Variants in TTC39B observed in about 807,000 individuals in gnomAD.
TTC39B encodes tetratricopeptide repeat domain 39B, also known as tetratricopeptide repeat protein 39B.
A neutral mutation model predicts 96.6 loss-of-function variants in TTC39B; 92 were observed. The ratio of observed to expected loss-of-function variants is 0.95; its 90% CI spans 0.80 to 1.13. The LOEUF (loss-of-function observed/expected upper bound fraction) is 1.13. Among genes scored for constraint, TTC39B ranks in the 50% most tolerant of loss-of-function variants. TTC39B has a pLI of 0.00. For missense variants in TTC39B, 955 were observed against 809.3 expected (o/e 1.18, Z -2.18); for synonymous variants, 367 against 299.4 (o/e 1.23, Z -2.33).
chr9:15,222,968 T>C (rs1266945807), intron 3 of TTC39B, among the ~76,000 whole-genome samples: 1 of 152,180 alleles, frequency 6.6e-6, no homozygotes, highest in Admixed American at 6.5e-5. Context: ...ATGACAAAGC[T>C]CTGGCCAGGG....
intron 1 of TTC39B, 116 bp from the exon 2 acceptor site, chr9:15,268,064 T>C: frequency 2.6e-6 from 2 of 773,644 alleles, no homozygotes; most frequent in African/African-American, 1.8e-5. Context: ...CAGGAAGGTA[T>C]AGCAGGCAGT....
intron 16 of TTC39B, 49 bp downstream of exon 16, chr9:15,185,231 G>A (rs771665058): frequency 7.7e-6 from 12 of 1,566,032 alleles, no homozygotes; most frequent in Middle Eastern, 1.8e-4. Context: ...CTGCTGCTGT[G>A]AGTAGGTAAT....
intron 2 of TTC39B, among the ~76,000 whole-genome samples, chr9:15,245,041 A>G (rs1822212965): frequency 6.6e-6 from 1 of 152,214 alleles, no homozygotes; most frequent in East Asian, 1.9e-4. Context: ...TAGTATAATT[A>G]TTGGTCTACT....
intron 1 of TTC39B, among the ~76,000 whole-genome samples, chr9:15,301,316 T>A (rs192202052): frequency 3.9e-5 from 6 of 152,208 alleles, no homozygotes; most frequent in Non-Finnish European, 7.3e-5. Flanking sequence ...AACCCAAAGA[T>A]AGAAATAGTA....
chr9:15,214,136 T>A lies in TTC39B; in HGVS notation c.482+3A>T. On this transcript the variant is annotated splice_donor_region_variant and intron_variant, in intron 4 of 19. Coordinates refer to ENST00000512701, the Ensembl canonical transcript of TTC39B. The stretch of plus-strand genomic sequence containing the variant: ...TTTATCTAAAAGAGACAAAGTAAAT[T>A]ACCAGGGGCGAAGCAATTCTAAGGC... 1.2e-6 allele frequency: 2 copies of A among 1,604,972 alleles called. No individual in the cohort carries two copies. The highest frequency in any genetic ancestry group is 1.7e-6 in the Non-Finnish European group (2 of 1,172,644).
intron 16 of TTC39B, among the ~76,000 whole-genome samples, chr9:15,182,680 G>A (rs776735833): frequency 6.6e-6 from 1 of 152,094 alleles, no homozygotes; most frequent in East Asian, 1.9e-4. Context: ...ATAGAATACA[G>A]ATACAGAAAT....
chr9:15,254,056 C>T (rs1668407435), intron 2 of TTC39B, among the ~76,000 whole-genome samples: 1 of 152,044 alleles, frequency 6.6e-6, no homozygotes, highest in South Asian at 2.1e-4. Context: ...ATACCCACAT[C>T]CCCTTTGTCA....
intron 2 of TTC39B, among the ~76,000 whole-genome samples, chr9:15,239,823 G>A (rs72700645): frequency 0.034 from 5,226 of 152,232 alleles, 150 homozygotes; most frequent in Admixed American, 0.047. Context: ...CAATATTTGC[G>A]TGATGAGTAC....
At chr9:15,163,800 T>C (rs912262184) in exon 20 of TTC39B, 2 of 152,238 alleles carry the variant, frequency 1.3e-5, no homozygotes, top group East Asian at 3.8e-4. Context: ...CAAGTCAGGA[T>C]GATTTATTTG....
intron 3 of TTC39B, among the ~76,000 whole-genome samples, chr9:15,219,751 G>A (rs1820737690): frequency 6.6e-6 from 1 of 152,126 alleles, no homozygotes; most frequent in Admixed American, 6.6e-5. Context: ...GAAACACAGG[G>A]CATAAATGGC....
At chr9:15,171,807 A>G (rs867520426) in exon 20 of TTC39B, 6 of 314,956 alleles carry the variant, frequency 1.9e-5, no homozygotes, top group Middle Eastern at 8.4e-4. Flanking sequence ...GAGGCAAAAT[A>G]TAAGAATTTT....
intron 1 of TTC39B, among the ~76,000 whole-genome samples, chr9:15,286,052 T>C (rs1823964912): frequency 6.6e-6 from 1 of 152,224 alleles, no homozygotes; most frequent in Non-Finnish European, 1.5e-5. Flanking sequence ...CTGTGGTCCT[T>C]TACCTCTAAA....
At chr9:15,264,345 C>T (rs1473530466) in intron 2 of TTC39B, among the ~76,000 whole-genome samples, 1 of 151,882 alleles carries the variant, frequency 6.6e-6, no homozygotes, top group African/African-American at 2.4e-5. Flanking sequence ...TTCCTTGCCA[C>T]AGGAGGAAAA....
Position 15,189,571 on chromosome 9 carries a change from T to G in TTC39B, c.1233+3A>C, listed in dbSNP as rs1042446004. The G allele has an allele frequency of 6.2e-7, 1 of 1,614,100 alleles. No individual in the cohort carries two copies. Among genetic ancestry groups the G allele is most frequent in the East Asian group, 2.2e-5 (1 of 44,860 alleles). ...CCCAAATAATTCCCACCTAATAAAT[T>G]ACCTCTTCAAGATTCCCTTTCAGCA... is the stretch of plus-strand genomic sequence containing the variant. On this transcript the variant is annotated splice_donor_region_variant and intron_variant, in intron 13 of 19. Transcript: ENST00000512701.
Position 15,228,744 on chromosome 9 carries a change from T to C in TTC39B, c.276-2732A>G, listed in dbSNP as rs114480176. 7.5e-3 allele frequency among the ~76,000 whole-genome samples: 1,146 copies of C among 152,336 alleles called. 14 individuals are homozygous for C. The highest frequency in any genetic ancestry group is 0.026 in the African/African-American group (1,087 of 41,568). On this transcript the variant is annotated intron_variant, in intron 2 of 19. Transcript: ENST00000512701. ...AATGATATTCAATTCAGGAATCACT[T>C]ATGCTCAAACAAACTAGTTAAAATA...
chr9:15,221,379 C>A (rs1406125060), intron 3 of TTC39B, among the ~76,000 whole-genome samples: 3 of 152,132 alleles, frequency 2.0e-5, no homozygotes, highest in Non-Finnish European at 4.4e-5. Context: ...TCATTACAGT[C>A]ATTATTTATT....
At position 15,188,151 on chromosome 9, in the gene TTC39B, A is replaced by G. The variant is rs377562656; in HGVS notation, c.1234-19T>C. On this transcript the variant is annotated intron_variant, in intron 13 of 19. Transcript: ENST00000512701. The stretch of plus-strand genomic sequence containing the variant: ...CTTGTGCCTGTAAATCAAGTACACA[A>G]AGTTGATCGTCCAGATATTAGACAA... 5 of 1,573,776 alleles carry G rather than the reference A, an allele frequency of 3.2e-6. No homozygotes were observed. The African/African-American group carries it at 6.8e-5, about 21-fold the overall frequency.
At chr9:15,204,140 G>A (rs958525717) in intron 6 of TTC39B, among the ~76,000 whole-genome samples, 3 of 152,156 alleles carry the variant, frequency 2.0e-5, no homozygotes, top group Admixed American at 6.5e-5. Context: ...CAGTCACTTC[G>A]TATCAGAGAC....
chr9:15,302,494 C>G (rs1293810751), intron 1 of TTC39B, among the ~76,000 whole-genome samples: 1 of 137,016 alleles, frequency 7.3e-6, no homozygotes, highest in Non-Finnish European at 1.5e-5. Context: ...GCACATGCAT[C>G]ACGCCACTGC....
Sources: gnomAD v4.1 joint callset for allele counts (sites outside exome capture counted in the v4.1 genomes callset) on GRCh38, gnomAD v4.1.1 for gene constraint, MANE v1.5 for transcripts, NCBI Gene and HGNC (gene_info 2026-07-23, HGNC 2026-07-21) for gene names.